The following AGBL1 variants were observed in gnomAD, a reference collection of about 807,000 sequenced individuals.
The protein encoded by AGBL1 is AGBL carboxypeptidase 1.
A neutral mutation model predicts 118.9 loss-of-function variants in AGBL1; 130 were observed. The observed-to-expected ratio is 1.09, with a 90% CI of 0.95 to 1.26. The LOEUF is 1.26. Ranked by LOEUF, AGBL1 falls within the 50% of genes most tolerant of loss-of-function variation. The pLI, the probability that AGBL1 is intolerant of heterozygous loss-of-function variation, is 0.00. For synonymous variants in AGBL1, 555 were observed against 478.9 expected (o/e 1.16, Z -2.08); for missense variants, 1,584 against 1,298.1 (o/e 1.22, Z -3.38).
chr15:86,965,708 A>T (rs927907735), intron 23 of AGBL1, among the ~76,000 whole-genome samples: 4 of 152,148 alleles, frequency 2.6e-5, no homozygotes, highest in Non-Finnish European at 5.9e-5. Flanking sequence ...TTGCAGGGAC[A>T]TGGATGAAGC....
intron 15 of AGBL1, 69 bp from the exon 16 acceptor site, chr15:86,279,570 C>A (rs980684906): frequency 2.0e-6 from 3 of 1,466,170 alleles, no homozygotes; most frequent in Non-Finnish European, 2.8e-6. Context: ...GCATCTAGGA[C>A]CCTAAATGAC....
chr15:86,166,423 A>G (rs1447762126), intron 5 of AGBL1, among the ~76,000 whole-genome samples: 1 of 152,208 alleles, frequency 6.6e-6, no homozygotes, highest in Non-Finnish European at 1.5e-5. Context: ...AAAAGCCCAC[A>G]GAGCTGAGCA....
At chr15:86,150,576 A>C (rs111679239) in intron 3 of AGBL1, among the ~76,000 whole-genome samples, 9,640 of 152,268 alleles carry the variant, frequency 0.063, 494 homozygotes, top group East Asian at 0.25. Context: ...TAAACCAGGA[A>C]GAAGTTGAAT....
rs4035838 is a variant in AGBL1 at position 86,383,247 on chromosome 15, T to TAAA, written c.2375-14093_2375-14091dup. Among the ~76,000 whole-genome samples the TAAA allele has an allele frequency of 6.3e-3, 345 of 54,472 alleles. 14 individuals carry two copies. Among genetic ancestry groups the TAAA allele is most frequent in the African/African-American group, 0.023 (286 of 12,382 alleles). The allele number at this position is 54,472 out of a possible 152,430, so 35.7% of individuals were successfully genotyped here. ...CTGAAGAGAGTAAGCATTCAGTATGTAAAAAAAAAAAAAAAAAAAAAAAAA... is the reference window on the plus strand; with the variant it reads ...CTGAAGAGAGTAAGCATTCAGTATGTAAAAAAAAAAAAAAAAAAAAAAAAAAAA... On this transcript the variant is annotated intron_variant, in intron 17 of 22. Transcript: ENST00000614907.
intron 22 of AGBL1, among the ~76,000 whole-genome samples, chr15:86,904,111 G>A (rs1273181029): frequency 6.6e-6 from 1 of 152,118 alleles, no homozygotes; most frequent in Non-Finnish European, 1.5e-5. Flanking sequence ...TTGATAAGCT[G>A]CCCCCTTCCT....
chr15:86,812,928 G>C (rs1249950843), intron 22 of AGBL1, among the ~76,000 whole-genome samples: 1 of 151,712 alleles, frequency 6.6e-6, no homozygotes. Flanking sequence ...TTAAAGGAGA[G>C]ATTTTTTTTT....
intron 6 of AGBL1, among the ~76,000 whole-genome samples, chr15:86,230,679 C>G (rs762276804): frequency 1.3e-5 from 2 of 152,196 alleles, no homozygotes; most frequent in African/African-American, 4.8e-5. Flanking sequence ...CTGTCTCATC[C>G]AGGGATATTC....
chr15:86,343,345 G>C (rs1484311676), intron 17 of AGBL1, among the ~76,000 whole-genome samples: 2 of 152,016 alleles, frequency 1.3e-5, no homozygotes, highest in Non-Finnish European at 2.9e-5. Context: ...CTTTTGGTGG[G>C]GTCCCCTGCA....
At chr15:86,296,449 CCCTTCTCTGAGGAAGCTACAG>C (rs1193188603) in intron 17 of AGBL1, 3 of 147,976 alleles carry the variant, frequency 2.0e-5, no homozygotes, top group Non-Finnish European at 4.4e-5. Context: ...TAAAGATACA[CCCTTCTCTGAGGAAGCTACAG>C]CCTTCTCTGA....
chr15:86,643,153 G>C (rs1204784130), intron 21 of AGBL1, among the ~76,000 whole-genome samples: 1 of 152,062 alleles, frequency 6.6e-6, no homozygotes, highest in Non-Finnish European at 1.5e-5. Context: ...AGAGAAAGAT[G>C]GGCTGGCTCC....
chr15:86,277,160 T>G (rs896850142), intron 15 of AGBL1, among the ~76,000 whole-genome samples: 8 of 151,868 alleles, frequency 5.3e-5, no homozygotes, highest in Non-Finnish European at 1.2e-4. Context: ...TTTTTTTTTT[T>G]TTTGGAATTC....
intron 21 of AGBL1, among the ~76,000 whole-genome samples, chr15:86,633,305 A>G (rs1167457717): frequency 2.0e-5 from 3 of 152,138 alleles, no homozygotes; most frequent in Non-Finnish European, 2.9e-5. Context: ...TCATTAAGAC[A>G]TATCAGATTA....
chr15:86,277,991 G>A (rs1362499859), intron 15 of AGBL1, among the ~76,000 whole-genome samples: 1 of 152,246 alleles, frequency 6.6e-6, no homozygotes, highest in Non-Finnish European at 1.5e-5. Context: ...TGTAAACTGA[G>A]TGTATGTTTG....
intron 22 of AGBL1, among the ~76,000 whole-genome samples, chr15:86,851,327 A>G (rs775617186): frequency 6.6e-6 from 1 of 152,152 alleles, no homozygotes; most frequent in East Asian, 1.9e-4. Context: ...AACCAAGTCT[A>G]CTAGAACTGG....
intron 21 of AGBL1, among the ~76,000 whole-genome samples, chr15:86,673,736 C>T (rs1201224384): frequency 1.3e-5 from 2 of 152,092 alleles, no homozygotes; most frequent in East Asian, 3.8e-4. Flanking sequence ...CATGATTTTG[C>T]TTTCATGCAT....
At chr15:86,976,190 T>C (rs2081175031) in intron 23 of AGBL1, among the ~76,000 whole-genome samples, 1 of 147,808 alleles carries the variant, frequency 6.8e-6, no homozygotes, top group Admixed American at 6.7e-5. Flanking sequence ...TAATAAATTA[T>C]ATTATTTAAG....
intron 21 of AGBL1, among the ~76,000 whole-genome samples, chr15:86,633,726 C>A (rs1008792298): frequency 2.0e-5 from 3 of 149,436 alleles, no homozygotes; most frequent in Non-Finnish European, 4.4e-5. Context: ...ATACTATATG[C>A]TATCTTTGTA....
chr15:86,123,140 G>A (rs981670112), intron 1 of AGBL1, among the ~76,000 whole-genome samples: 5 of 152,272 alleles, frequency 3.3e-5, no homozygotes, highest in African/African-American at 9.6e-5. Context: ...TTAACTAAGA[G>A]TCGGGCACCT....
intron 6 of AGBL1, among the ~76,000 whole-genome samples, chr15:86,231,326 A>G (rs530280929): frequency 2.0e-4 from 30 of 152,310 alleles, no homozygotes; most frequent in African/African-American, 7.0e-4. Flanking sequence ...TGCTTTCAGT[A>G]TGCCTTGGTG....
Sources: gnomAD v4.1 joint callset for allele counts (sites outside exome capture counted in the v4.1 genomes callset) on GRCh38, gnomAD v4.1.1 for gene constraint, MANE v1.5 for transcripts, NCBI Gene and HGNC (gene_info 2026-07-23, HGNC 2026-07-21) for gene names.